The following STXBP3 variants were observed in gnomAD, a reference collection of about 807,000 sequenced individuals.
STXBP3 encodes syntaxin-binding protein 3.
In STXBP3, 41 loss-of-function variants were observed where a neutral mutation model predicts 85.7. The ratio of observed to expected loss-of-function variants is 0.48; its 90% CI spans 0.37 to 0.62. The LOEUF (loss-of-function observed/expected upper bound fraction) is 0.62, where lower values mean the gene tolerates loss of function less well. Among genes scored for constraint, STXBP3 ranks in the 20% least tolerant of loss-of-function variants. The pLI is 0.00. For missense variants in STXBP3, 563 were observed against 703.1 expected (o/e 0.80, Z 2.25); for synonymous variants, 229 against 231.7 (o/e 0.99, Z 0.10).
intron 11 of STXBP3, among the ~76,000 whole-genome samples, chr1:108,786,593 G>T (rs1662833358): frequency 6.6e-6 from 1 of 152,204 alleles, no homozygotes; most frequent in South Asian, 2.1e-4. Flanking sequence ...TGAATCAAGT[G>T]ACCATAAATG....
chr1:108,790,270 A>G (rs753684392), intron 11 of STXBP3, among the ~76,000 whole-genome samples: 3 of 152,174 alleles, frequency 2.0e-5, no homozygotes, highest in Admixed American at 6.5e-5. Context: ...TGTTAAGTTC[A>G]TTATACATTT....
rs1170970366 is a variant in STXBP3 at position 108,771,461 on chromosome 1, A to C, written c.439-1204A>C. Among the ~76,000 whole-genome samples the C allele has an allele frequency of 4.9e-5, 4 of 82,466 alleles. 1 individual carries two copies. The Admixed American group carries it at 5.4e-4, about 11-fold the overall frequency. 54.1% of individuals were successfully genotyped at this position (82,466 alleles called of 152,430 possible). ...ATATATCTATATATATCATATATAA[A>C]TATATATGATATATATCTATATATA... On this transcript the variant is annotated intron_variant, in intron 6 of 18. Transcript: ENST00000370008.
chr1:108,800,339 C>T, intron 17 of STXBP3, 34 bp downstream of exon 17: 4 of 1,486,486 alleles, frequency 2.7e-6, no homozygotes, highest in Non-Finnish European at 3.8e-6. Flanking sequence ...ATGAAATTTT[C>T]ATTCTACGGA....
chr1:108,782,338 T>G, intron 9 of STXBP3, 84 bp from the exon 10 acceptor site: 1 of 1,065,702 alleles, frequency 9.4e-7, no homozygotes, highest in South Asian at 1.5e-5. Flanking sequence ...GAGTTGTGTC[T>G]TGAAATTATT....
chr1:108,786,924 T>C (rs1662842243), intron 11 of STXBP3, among the ~76,000 whole-genome samples: 1 of 152,226 alleles, frequency 6.6e-6, no homozygotes, highest in East Asian at 1.9e-4. Context: ...GCTCCACTTA[T>C]GTAGATAGTT....
chr1:108,769,212 GA>G (rs536336844), intron 6 of STXBP3, among the ~76,000 whole-genome samples: 144 of 152,288 alleles, frequency 9.5e-4, no homozygotes, highest in African/African-American at 3.3e-3. Flanking sequence ...GGATTATTAT[GA>G]AGGTCTTCAT....
chr1:108,759,666 T>C (rs1662093083), intron 5 of STXBP3, among the ~76,000 whole-genome samples: 1 of 152,174 alleles, frequency 6.6e-6, no homozygotes, highest in African/African-American at 2.4e-5. Context: ...GTCCTGAAAG[T>C]GCTGCTGTTT....
At chr1:108,791,028 A>G (rs1271846437) in intron 11 of STXBP3, among the ~76,000 whole-genome samples, 4 of 152,076 alleles carry the variant, frequency 2.6e-5, no homozygotes, top group African/African-American at 9.7e-5. Flanking sequence ...ACTGCTCTTC[A>G]GTTTTTCCAG....
Position 108,808,894 on chromosome 1 carries a change from G to C in STXBP3, c.*17G>C, listed in dbSNP as rs774709344. On this transcript the variant is annotated 3_prime_UTR_variant, in exon 19 of 19. Transcript: ENST00000370008. ...GATGAATAGCATTTCTTTTTGGAGG[G>C]TTTAGAGATTCTTACTAATATGTTG... 1 of 1,534,232 alleles carries C rather than the reference G, an allele frequency of 6.5e-7. No individual in the cohort carries two copies. Among genetic ancestry groups the C allele is most frequent in the East Asian group, 2.3e-5 (1 of 44,036 alleles).
chr1:108,753,417 A>AT (rs398069547), intron 3 of STXBP3, among the ~76,000 whole-genome samples: 9 of 151,278 alleles, frequency 5.9e-5, no homozygotes, highest in African/African-American at 1.5e-4. Flanking sequence ...ATATATATAT[A>AT]AAACAATTTT....
intron 11 of STXBP3, among the ~76,000 whole-genome samples, chr1:108,783,392 C>T (rs1055640700): frequency 1.3e-5 from 2 of 152,234 alleles, no homozygotes; most frequent in South Asian, 2.1e-4. Flanking sequence ...CTGTCAGTAC[C>T]CCTCCTGCCA....
chr1:108,750,040 T>C lies in STXBP3; in HGVS notation c.50-2217T>C, dbSNP rs946745299. Among the ~76,000 whole-genome samples, 14 of 152,270 alleles carry C rather than the reference T, an allele frequency of 9.2e-5. No homozygotes were observed. The East Asian group carries it at 2.7e-3, about 29-fold the overall frequency. ...ATTTCAGGTGCTCAATAGCCAGATATGGCTGGTTTCCACCATCTAGGACAA... is the reference window on the plus strand; with the variant it reads ...ATTTCAGGTGCTCAATAGCCAGATACGGCTGGTTTCCACCATCTAGGACAA... On this transcript the variant is annotated intron_variant, in intron 1 of 18. Coordinates refer to ENST00000370008, the MANE Select transcript of STXBP3 (RefSeq NM_007269.4).
In STXBP3 at chr1:108,759,967, G is replaced by GA; in HGVS notation, c.338-18_338-17insA. On this transcript the variant is annotated splice_polypyrimidine_tract_variant and intron_variant, in intron 5 of 18. Transcript: ENST00000370008. ...AAATCTAGATGTAACTATATGCTTT[G>GA]TTTTTTTTTCCCCTCAGTTTGCCCT... The GA allele has an allele frequency of 7.0e-7, 1 of 1,418,902 alleles. No homozygotes were observed. The highest frequency in any genetic ancestry group is 9.6e-7 in the Non-Finnish European group (1 of 1,037,998). 87.9% of individuals were successfully genotyped at this position (1,418,902 alleles called of 1,614,324 possible). A position where few individuals can be genotyped will look rare whatever the true frequency, so the allele number is the denominator to read the frequency against.
chr1:108,796,598 C>T (rs747354557), intron 14 of STXBP3, 22 bp from the exon 15 acceptor site: 8 of 1,598,140 alleles, frequency 5.0e-6, no homozygotes, highest in South Asian at 1.1e-5. Flanking sequence ...TGATTGTGCA[C>T]TCATATTTTT....
chr1:108,781,756 T>A (rs922730220), intron 9 of STXBP3: 1 of 152,304 alleles, frequency 6.6e-6, no homozygotes, highest in African/African-American at 2.4e-5. Flanking sequence ...TCACTCAGGC[T>A]GGAGTGCAGT....
chr1:108,800,375 T>C, intron 17 of STXBP3, 70 bp downstream of exon 17: 2 of 1,204,088 alleles, frequency 1.7e-6, no homozygotes, highest in Non-Finnish European at 2.4e-6. Context: ...GGTACACAGA[T>C]ACTCATATTT....
In STXBP3 at chr1:108,807,479, G is replaced by A. The variant is rs560453803; in HGVS notation, c.1614G>A (p.Gly538=). 1 of 1,613,252 alleles carries A rather than the reference G, an allele frequency of 6.2e-7. No individual in the cohort carries two copies. The highest frequency in any genetic ancestry group is 1.7e-5 in the Admixed American group (1 of 59,928). Residue 538 remains glycine (G), a synonymous_variant, in exon 18 of 19, where the codon GGG becomes GGA. Coordinates refer to ENST00000370008, the MANE Select transcript of STXBP3 (RefSeq NM_007269.4). ...GSKLIVFVIG[G]ITYSEVRCAY... Reference sequence around the variant, plus strand: ...AGCTGATTGTTTTTGTAATTGGAGGGATCACATACTCTGAAGTGCGTTGTG... The same window carrying A: ...AGCTGATTGTTTTTGTAATTGGAGGAATCACATACTCTGAAGTGCGTTGTG...
intron 16 of STXBP3, 96 bp from the exon 17 acceptor site, chr1:108,800,124 G>T (rs186516235): frequency 2.4e-5 from 19 of 787,564 alleles, no homozygotes; most frequent in Non-Finnish European, 4.0e-5. Context: ...TTATGTCTAA[G>T]GTTCCTCAAT....
intron 17 of STXBP3, among the ~76,000 whole-genome samples, chr1:108,805,872 C>G (rs1249352199): frequency 2.0e-5 from 3 of 152,252 alleles, no homozygotes; most frequent in Non-Finnish European, 1.5e-5. Flanking sequence ...AGCTGCTGCA[C>G]TGTAGCCTAG....
Sources: allele counts gnomAD v4.1 joint callset (sites outside exome capture counted in the v4.1 genomes callset), GRCh38; gene constraint gnomAD v4.1.1; transcripts MANE v1.5; gene names NCBI Gene and HGNC (gene_info 2026-07-23, HGNC 2026-07-21).